Variants in RCC1L observed in about 807,000 individuals in gnomAD.
RCC1L encodes RCC1-like G exchanging factor-like protein.
A neutral mutation model predicts 58.6 loss-of-function variants in RCC1L; 46 were observed. The ratio of observed to expected loss-of-function variants is 0.79; its 90% confidence interval spans 0.62 to 1.00. The LOEUF is 1.00. RCC1L is among the 50% of genes least tolerant of loss of function. RCC1L has a pLI of 0.00. For synonymous variants in RCC1L, 281 were observed against 262.9 expected, an observed-to-expected ratio of 1.07 and a Z score of -0.67; for missense variants, 636 against 623.6, an observed-to-expected ratio of 1.02 and a Z score of -0.21.
intron 9 of RCC1L, chr7:75,055,532 GCCCCA>G (rs1471143029): frequency 2.9e-6 from 1 of 340,290 alleles, no homozygotes; most frequent in African/African-American, 2.1e-5. Flanking sequence ...ATGGGATTAA[GCCCCA>G]CACATTCACT....
downstream of RCC1L, among the ~76,000 whole-genome samples, chr7:75,040,584 C>A (rs1805532498): frequency 6.6e-6 from 1 of 152,210 alleles, no homozygotes; most frequent in Non-Finnish European, 1.5e-5. Context: ...CCATCCCGAA[C>A]CCCGCCCAGT....
intron 10 of RCC1L, among the ~76,000 whole-genome samples, chr7:75,047,864 A>G (rs1469612012): frequency 2.7e-5 from 4 of 145,566 alleles, no homozygotes; most frequent in African/African-American, 1.0e-4. Flanking sequence ...TCAGGCTGGT[A>G]TCGAACTCCT....
At chr7:75,036,852 G>A (rs1805439395) in intron 10 of RCC1L, among the ~76,000 whole-genome samples, 1 of 152,092 alleles carries the variant, frequency 6.6e-6, no homozygotes, top group Non-Finnish European at 1.5e-5. Flanking sequence ...GCAGTGAGCT[G>A]AGATCGCACC....
At chr7:75,056,604 T>A in intron 8 of RCC1L, 1 of 1,534,866 alleles carries the variant, frequency 6.5e-7, no homozygotes, top group East Asian at 2.4e-5. Flanking sequence ...TGCCTTTGAT[T>A]TTTTGGCTGG....
At chr7:75,035,763 A>C (rs1237454952) in intron 10 of RCC1L, among the ~76,000 whole-genome samples, 1 of 151,916 alleles carries the variant, frequency 6.6e-6, no homozygotes, top group African/African-American at 2.4e-5. Context: ...ACACTTTGGA[A>C]GGCTGAGGCA....
chr7:75,070,919 G>C (rs1224239423), intron 1 of RCC1L, 150 bp from the exon 2 acceptor site: 1 of 1,022,960 alleles, frequency 9.8e-7, no homozygotes, highest in African/African-American at 1.6e-5. Flanking sequence ...TGTTGCCCAG[G>C]CTGGAGTGCA....
intron 6 of RCC1L, among the ~76,000 whole-genome samples, chr7:75,059,383 G>A (rs1277207595): frequency 1.3e-5 from 2 of 150,500 alleles, no homozygotes; most frequent in African/African-American, 4.9e-5. Flanking sequence ...TAATTCTTGT[G>A]CCTCAGCCTC....
At position 75,063,839 on chromosome 7, in the gene RCC1L, G is replaced by C. The variant is rs917328242; in HGVS notation, c.651-496C>G. ...GGAGGCTGATACATGAGAATCGCTT[G>C]AACTTGGGAGGCGGAGGTTGCAGTG... is the stretch of plus-strand genomic sequence containing the variant. On this transcript the variant is annotated intron_variant, in intron 4 of 10. Transcript: ENST00000610322. 5.0e-3 allele frequency among the ~76,000 whole-genome samples: 756 copies of C among 152,182 alleles called. 8 individuals are homozygous for C. Among genetic ancestry groups the C allele is most frequent in the African/African-American group, 0.017 (703 of 41,520 alleles).
chr7:75,027,469 C>G (rs1805168764), exon 11 of RCC1L: 1 of 158,714 alleles, frequency 6.3e-6, no homozygotes, highest in Non-Finnish European at 1.4e-5. Context: ...CTGCCTGTGT[C>G]CTGCCTCCGT....
chr7:75,038,528 C>T (rs915016927), downstream of RCC1L, among the ~76,000 whole-genome samples: 3 of 147,540 alleles, frequency 2.0e-5, no homozygotes, highest in African/African-American at 7.4e-5. Flanking sequence ...CCGCTTCCCG[C>T]CTTTTTTTTT....
At chr7:75,052,914 A>G in intron 9 of RCC1L, 118 bp from the exon 10 acceptor site, 1 of 955,670 alleles carries the variant, frequency 1.0e-6, no homozygotes, top group South Asian at 1.4e-5. Flanking sequence ...CCCACTGTTC[A>G]GCTTTTACCA....
intron 3 of RCC1L, 123 bp downstream of exon 3, chr7:75,066,541 A>G (rs587769796): frequency 6.4e-5 from 86 of 1,342,314 alleles, no homozygotes; most frequent in Middle Eastern, 5.3e-4. Context: ...TGCTCAGGAA[A>G]TACCACATTT....
rs2131999760 is a variant in RCC1L, at chr7:75,061,277, C to T, written c.717G>A (p.Gln239=). The T allele has an allele frequency of 2.5e-6, 4 of 1,613,706 alleles. No homozygotes were observed. The East Asian group carries it at 8.9e-5, about 36-fold the overall frequency. Residue 239 remains glutamine, a synonymous_variant, in exon 6 of 11, where the codon CAG becomes CAA. Coordinates refer to ENST00000610322, the MANE Select transcript of RCC1L (RefSeq NM_030798.5). The part of the protein sequence containing the change: ...DGQVVQVACG[Q]DHSLFLTDKG... ...TATCCGTCAGGAACAGACTATGATC[C>T]TGACCACAGGCGACCTAGCAGACAA...
intron 9 of RCC1L, among the ~76,000 whole-genome samples, chr7:75,053,163 G>T (rs1563074773): frequency 1.8e-5 from 2 of 113,270 alleles, no homozygotes; most frequent in Admixed American, 1.7e-4. Context: ...GGTGGACAGG[G>T]CTGGGGGTGG....
In RCC1L at chr7:75,042,473, C is replaced by CA; in HGVS notation, c.*558dup. ...CTGCGGACAGCTCCAGATGGAATCC[C>CA]AGGCCACGGTGCTTCTAGTGTCCCC... On this transcript the variant is annotated 3_prime_UTR_variant, in exon 11 of 11. Transcript: ENST00000610322. 1 of 989,230 alleles carries CA rather than the reference C, an allele frequency of 1.0e-6. No homozygotes were observed. The highest frequency in any genetic ancestry group is 1.2e-6 in the Non-Finnish European group (1 of 832,072). The allele number at this position is 989,230 out of a possible 1,614,324, so 61.3% of individuals were successfully genotyped here.
At chr7:75,036,974 G>A (rs1189159919) in intron 10 of RCC1L, among the ~76,000 whole-genome samples, 3 of 152,054 alleles carry the variant, frequency 2.0e-5, no homozygotes, top group African/African-American at 4.8e-5. Context: ...AGCTACCACC[G>A]TTAGCCTGAG....
intron 10 of RCC1L, among the ~76,000 whole-genome samples, chr7:75,051,921 A>G (rs1805926442): frequency 6.6e-6 from 1 of 152,112 alleles, no homozygotes; most frequent in African/African-American, 2.4e-5. Context: ...TGGAACAAAA[A>G]CTGGGTGGTG....
chr7:75,043,017 G>C lies in RCC1L; in HGVS notation c.*15C>G. On this transcript the variant is annotated 3_prime_UTR_variant, in exon 11 of 11. Coordinates refer to ENST00000610322, the MANE Select transcript of RCC1L (RefSeq NM_030798.5). ...TGGTTCCCGGGACGGGGCCGCCCAAGCAGGTGAGGGAGGTTTAGATGAATG... is the reference window on the plus strand; with the variant it reads ...TGGTTCCCGGGACGGGGCCGCCCAACCAGGTGAGGGAGGTTTAGATGAATG... 2 of 1,614,034 alleles carry C rather than the reference G, an allele frequency of 1.2e-6. No individual in the cohort carries two copies. Among genetic ancestry groups the C allele is most frequent in the African/African-American group, 2.7e-5 (2 of 75,078 alleles).
chr7:75,044,323 G>A (rs587715661), intron 10 of RCC1L, among the ~76,000 whole-genome samples: 10 of 152,122 alleles, frequency 6.6e-5, no homozygotes, highest in South Asian at 2.1e-4. Flanking sequence ...TTTTTATGCC[G>A]GGCGCAGTGG....
Sources: allele counts gnomAD v4.1 joint callset (sites outside exome capture counted in the v4.1 genomes callset), GRCh38; gene constraint gnomAD v4.1.1; transcripts MANE v1.5; gene names NCBI Gene and HGNC (gene_info 2026-07-23, HGNC 2026-07-21).